SMIM13: variants seen among roughly 807,000 people sequenced by gnomAD.
SMIM13 encodes UPF0766 protein C6orf228.
In SMIM13, 3 loss-of-function variants were observed where a neutral mutation model predicts 5.9. The observed-to-expected ratio is 0.51, with a 90% CI of 0.23 to 1.31. The LOEUF (loss-of-function observed/expected upper bound fraction) is 1.31. Ranked by LOEUF, SMIM13 falls within the 40% of genes most tolerant of loss-of-function variation. SMIM13 has a pLI of 0.18. For missense variants in SMIM13, 85 were observed against 109.9 expected (o/e 0.77, Z 1.01); for synonymous variants, 55 against 46.0 (o/e 1.19, Z -0.79).
Position 11,123,023 on chromosome 6 carries a change from C to T in SMIM13, c.77-11380C>T, listed in dbSNP as rs536380936. Among the ~76,000 whole-genome samples, 4 of 152,248 alleles carry T rather than the reference C, an allele frequency of 2.6e-5. No individual in the cohort carries two copies. The South Asian group carries it at 8.3e-4, about 32-fold the overall frequency. ...AGGAGTTTGAGACCAGTCTGGGCAA[C>T]AAAGCAAGACCCTATCTCTACAGTA... On this transcript the variant is annotated intron_variant, in intron 1 of 1. Coordinates refer to ENST00000416247, the MANE Select transcript of SMIM13 (RefSeq NM_001135575.2).
At chr6:11,101,356 G>A (rs1757988702) in intron 1 of SMIM13, among the ~76,000 whole-genome samples, 1 of 152,200 alleles carries the variant, frequency 6.6e-6, no homozygotes, top group South Asian at 2.1e-4. Flanking sequence ...ATTTCAGCAA[G>A]TAGATAAATT....
chr6:11,107,276 C>T (rs1273612492), intron 1 of SMIM13, among the ~76,000 whole-genome samples: 3 of 152,176 alleles, frequency 2.0e-5, no homozygotes, highest in Non-Finnish European at 4.4e-5. Context: ...TCAACTGTTA[C>T]CTATGGGTTT....
intron 1 of SMIM13, among the ~76,000 whole-genome samples, chr6:11,096,792 C>T (rs1388253983): frequency 2.6e-5 from 4 of 152,032 alleles, no homozygotes; most frequent in East Asian, 1.9e-4. Flanking sequence ...CTCTGCCACC[C>T]GGGTTCAAGC....
intron 1 of SMIM13, among the ~76,000 whole-genome samples, chr6:11,132,878 T>G (rs1025982906): frequency 6.6e-6 from 1 of 152,150 alleles, no homozygotes; most frequent in African/African-American, 2.4e-5. Context: ...GTGGATATAC[T>G]AAAAAACACG....
At chr6:11,118,156 C>A (rs1325863721) in intron 1 of SMIM13, among the ~76,000 whole-genome samples, 1 of 151,142 alleles carries the variant, frequency 6.6e-6, no homozygotes, top group Non-Finnish European at 1.5e-5. Context: ...AAGGCATGAA[C>A]CACCACCTAT....
chr6:11,128,573 C>G (rs550014383), intron 1 of SMIM13, among the ~76,000 whole-genome samples: 3 of 152,134 alleles, frequency 2.0e-5, no homozygotes, highest in Admixed American at 6.5e-5. Flanking sequence ...TGGCTCCAAG[C>G]CCATCCTAGC....
At position 11,134,794 on chromosome 6, in the gene SMIM13, A is replaced by C; in HGVS notation, c.*192A>C. 2.3e-6 allele frequency: 1 copy of C among 425,806 alleles called. No homozygotes were observed. Among genetic ancestry groups the C allele is most frequent in the Non-Finnish European group, 4.1e-6 (1 of 245,754 alleles). 26.4% of individuals were successfully genotyped at this position (425,806 alleles called of 1,614,324 possible). The stretch of plus-strand genomic sequence containing the variant: ...TGGACTATTATAAATTTCATCTTAA[A>C]GATAATCTTTTGTTTCACCAGCTTT... On this transcript the variant is annotated 3_prime_UTR_variant, in exon 2 of 2. Transcript: ENST00000416247.
At chr6:11,107,069 ATACTCTGCATATC>A (rs1251712165) in intron 1 of SMIM13, among the ~76,000 whole-genome samples, 1 of 152,212 alleles carries the variant, frequency 6.6e-6, no homozygotes, top group Non-Finnish European at 1.5e-5. Flanking sequence ...ACATTGTACC[ATACTCTGCATATC>A]TAGCTCTATC....
chr6:11,104,664 A>G, intron 1 of SMIM13: 1 of 1,614,250 alleles, frequency 6.2e-7, no homozygotes, highest in Non-Finnish European at 8.5e-7. Context: ...GGAAATTTGC[A>G]GACATTGGTT....
intron 1 of SMIM13, among the ~76,000 whole-genome samples, chr6:11,124,618 C>T (rs961997552): frequency 5.3e-5 from 8 of 152,066 alleles, no homozygotes; most frequent in Non-Finnish European, 1.0e-4. Flanking sequence ...AATTTATGTA[C>T]ACAGTGTTTC....
At chr6:11,115,991 G>T (rs1023532906) in intron 1 of SMIM13, among the ~76,000 whole-genome samples, 3 of 146,274 alleles carry the variant, frequency 2.1e-5, no homozygotes, top group East Asian at 2.0e-4. Context: ...CCTGCCGGCC[G>T]GCCTTCCTTC....
At chr6:11,099,828 G>A (rs1049973674) in intron 1 of SMIM13, among the ~76,000 whole-genome samples, 9 of 152,086 alleles carry the variant, frequency 5.9e-5, no homozygotes, top group African/African-American at 1.4e-4. Flanking sequence ...ATTATTAACC[G>A]TGGTAGATGC....
At chr6:11,120,921 G>A (rs78184678) in intron 1 of SMIM13, among the ~76,000 whole-genome samples, 1,676 of 152,300 alleles carry the variant, frequency 0.011, 25 homozygotes, top group African/African-American at 0.037. Flanking sequence ...GGTTTGTGGT[G>A]TGTTGATAGT....
chr6:11,119,729 CAGA>C (rs370067731), intron 1 of SMIM13, among the ~76,000 whole-genome samples: 3,080 of 151,930 alleles, frequency 0.02, 46 homozygotes, highest in South Asian at 0.049. Flanking sequence ...TTGTGATCAC[CAGA>C]AGAAGAAGAA....
chr6:11,101,698 T>G (rs1211116484), intron 1 of SMIM13, among the ~76,000 whole-genome samples: 1 of 152,130 alleles, frequency 6.6e-6, no homozygotes, highest in Non-Finnish European at 1.5e-5. Flanking sequence ...TGGTGACAGC[T>G]GTTTTACTGT....
intron 1 of SMIM13, chr6:11,104,269 C>T (rs1219420148): frequency 6.4e-7 from 1 of 1,551,676 alleles, no homozygotes; most frequent in South Asian, 1.2e-5. Flanking sequence ...GCCCTCCTCA[C>T]CCTGGGCAAC....
chr6:11,129,247 T>G (rs1214233805), intron 1 of SMIM13, among the ~76,000 whole-genome samples: 1 of 152,156 alleles, frequency 6.6e-6, no homozygotes, highest in Non-Finnish European at 1.5e-5. Flanking sequence ...TAGATCAACT[T>G]TTTTAGCTGC....
intron 1 of SMIM13, among the ~76,000 whole-genome samples, chr6:11,099,520 G>C (rs1328200399): frequency 6.6e-6 from 1 of 152,162 alleles, no homozygotes; most frequent in Non-Finnish European, 1.5e-5. Flanking sequence ...ACACTAGAGG[G>C]TAAGGCCCAA....
intron 1 of SMIM13, among the ~76,000 whole-genome samples, chr6:11,121,704 A>G (rs1252010060): frequency 6.6e-6 from 1 of 152,220 alleles, no homozygotes; most frequent in East Asian, 1.9e-4. Flanking sequence ...TCATTGTATA[A>G]AAGAGAACGA....
Sources: allele counts gnomAD v4.1 joint callset (sites outside exome capture counted in the v4.1 genomes callset), GRCh38; gene constraint gnomAD v4.1.1; transcripts MANE v1.5; gene names NCBI Gene and HGNC (gene_info 2026-07-23, HGNC 2026-07-21).